The following SLC5A2 variants were observed in gnomAD, a reference collection of about 807,000 sequenced individuals.
SLC5A2 encodes the protein sodium/glucose cotransporter 2.
A neutral mutation model predicts 69.0 loss-of-function variants in SLC5A2; 67 were observed. The observed-to-expected ratio is 0.97, with a 90% confidence interval of 0.80 to 1.19. The LOEUF (loss-of-function observed/expected upper bound fraction) is 1.19. SLC5A2 is among the 50% of genes most tolerant of loss of function. The pLI, the probability that SLC5A2 is intolerant of heterozygous loss-of-function variation, is 0.00. For missense variants in SLC5A2, 1,001 were observed against 921.5 expected (o/e 1.09, Z -1.12); for synonymous variants, 455 against 395.8 (o/e 1.15, Z -1.78).
intron 12 of SLC5A2, chr16:31,489,643 C>T (rs2082542148): frequency 5.6e-6 from 3 of 532,944 alleles, no homozygotes; most frequent in Admixed American, 6.3e-5. Flanking sequence ...TGAACGCCCA[C>T]AAAAAGGTTT....
At position 31,487,786 on chromosome 16, in the gene SLC5A2, T is replaced by C. The variant is rs377676177; in HGVS notation, c.885+27T>C. The stretch of plus-strand genomic sequence containing the variant: ...TGCGGGTATAGGGCTGCGCCTGCAG[T>C]GAGGCCGGGGCGGAGCCGAGACGGG... On this transcript the variant is annotated intron_variant, in intron 7 of 13. Transcript: ENST00000330498. 55 of 1,584,240 alleles carry C rather than the reference T, an allele frequency of 3.5e-5. No individual in the cohort carries two copies. In the East Asian group the frequency reaches 6.2e-4, roughly 18 times the overall value.
intron 8 of SLC5A2, 69 bp from the exon 9 acceptor site, chr16:31,488,314 C>T (rs2082517461): frequency 6.2e-7 from 1 of 1,600,290 alleles, no homozygotes; most frequent in Non-Finnish European, 8.5e-7. Flanking sequence ...GCTAGGATTC[C>T]CAGTCCCCAC....
At position 31,487,587 on chromosome 16, in the gene SLC5A2, CT is replaced by C. The variant is rs1567389303; in HGVS notation, c.715del (p.Ser239ArgfsTer2). ...GLFDKYLGAA[T>X]SLTVSEDPAV... ...TTCGACAAATACCTGGGAGCAGCGA[CT>C]TCGCTGACGGTGTCCGAGGATCCAG... On this transcript the variant is annotated frameshift_variant, in exon 7 of 14. Coordinates refer to ENST00000330498, the MANE Select transcript of SLC5A2 (RefSeq NM_003041.4). LOFTEE classifies it high-confidence loss of function. 6.2e-7 allele frequency: 1 copy of C among 1,613,954 alleles called. No homozygotes were observed. The highest frequency in any genetic ancestry group is 8.5e-7 in the Non-Finnish European group (1 of 1,179,992).
At position 31,488,444 on chromosome 16, in the gene SLC5A2, C is replaced by T; in HGVS notation, c.1083C>T (p.Cys361=). 2 of 1,611,528 alleles carry T rather than the reference C, an allele frequency of 1.2e-6. No individual in the cohort carries two copies. The highest frequency in any genetic ancestry group is 1.7e-6 in the Non-Finnish European group (2 of 1,179,646). ...GCGTGTGCGGCACGGAGGTGGGCTGCTCCAACATCGCCTACCCGCGGCTCG... is the reference window on the plus strand; with the variant it reads ...GCGTGTGCGGCACGGAGGTGGGCTGTTCCAACATCGCCTACCCGCGGCTCG... ...CRRVCGTEVG[C]SNIAYPRLVV... Residue 361 remains cysteine, a synonymous_variant, in exon 9 of 14, where the codon TGC becomes TGT. Coordinates refer to ENST00000330498, the MANE Select transcript of SLC5A2 (RefSeq NM_003041.4).
chr16:31,488,602 C>G lies in SLC5A2; in HGVS notation c.1130-20C>G, dbSNP rs749500766. The G allele has an allele frequency of 1.2e-6, 2 of 1,608,892 alleles. No homozygotes were observed. Among genetic ancestry groups the G allele is most frequent in the South Asian group, 1.1e-5 (1 of 90,880 alleles). ...TGGACCCCCAGTGGCCCCAGCCTCA[C>G]GGCTGCCGTCGGCCCGCAGGTCTGC... On this transcript the variant is annotated intron_variant, in intron 9 of 13. Coordinates refer to ENST00000330498, the MANE Select transcript of SLC5A2 (RefSeq NM_003041.4).
chr16:31,490,396 C>T lies in SLC5A2; in HGVS notation c.1880C>T (p.Pro627Leu), dbSNP rs751517591. Residue 627 changes from proline to leucine, a missense_variant, in exon 14 of 14, where the codon CCC becomes CTC. Coordinates refer to ENST00000330498, the MANE Select transcript of SLC5A2 (RefSeq NM_003041.4). Reference protein sequence around the residue: ...MSRGGVGSPPPLTQEEAAAAA... With the variant: ...MSRGGVGSPPLLTQEEAAAAA... ...AGAGGTGGGGTGGGCAGTCCTCCGCCCCTTACCCAGGAGGAGGCAGCGGCA... is the reference window on the plus strand; with the variant it reads ...AGAGGTGGGGTGGGCAGTCCTCCGCTCCTTACCCAGGAGGAGGCAGCGGCA... 6.2e-7 allele frequency: 1 copy of T among 1,613,592 alleles called. No individual in the cohort carries two copies. The highest frequency in any genetic ancestry group is 8.5e-7 in the Non-Finnish European group (1 of 1,179,874).
In SLC5A2 at chr16:31,488,777, G is replaced by T. The variant is rs1342812311; in HGVS notation, c.1280+5G>T. On this transcript the variant is annotated splice_donor_5th_base_variant and intron_variant, in intron 10 of 13. Transcript: ENST00000330498. The stretch of plus-strand genomic sequence containing the variant: ...CGAGCTGCTGCTGGTGGGACGGTGC[G>T]GCCTGGGCTCCCCTCCTCCCCAACG... 6.2e-7 allele frequency: 1 copy of T among 1,600,652 alleles called. No individual in the cohort carries two copies.
intron 7 of SLC5A2, 61 bp from the exon 8 acceptor site, chr16:31,487,977 G>T: frequency 6.2e-7 from 1 of 1,601,398 alleles, no homozygotes; most frequent in Non-Finnish European, 8.5e-7. Context: ...AGAGCGGAAC[G>T]GGGCGCGGGG....
At chr16:31,484,230 A>G (rs1349359070) in intron 1 of SLC5A2, among the ~76,000 whole-genome samples, 1 of 140,116 alleles carries the variant, frequency 7.1e-6, no homozygotes, top group African/African-American at 2.7e-5. Flanking sequence ...ACTAAAATAC[A>G]CACACACACA....
At chr16:31,486,128 C>T (rs1255856915) in intron 4 of SLC5A2, 42 bp from the exon 5 acceptor site, 3 of 1,480,500 alleles carry the variant, frequency 2.0e-6, no homozygotes, top group African/African-American at 2.8e-5. Context: ...GGGCTGGGGA[C>T]ACTGCCCTGG....
rs758561180 is a variant in SLC5A2 at position 31,488,151 on chromosome 16, G to T, written c.999G>T (p.Met333Ile). The T allele has an allele frequency of 1.2e-6, 2 of 1,614,074 alleles. No homozygotes were observed. Among genetic ancestry groups the T allele is most frequent in the African/African-American group, 1.3e-5 (1 of 75,060 alleles). Residue 333 changes from methionine to isoleucine, a missense_variant, in exon 8 of 14, where the codon ATG (methionine) becomes ATT (isoleucine). Transcript: ENST00000330498. ...TPMFLMVMPG[M>I]ISRILYPDEV... Reference sequence around the variant, plus strand: ...TGTTTCTCATGGTCATGCCAGGCATGATCAGCCGCATTCTGTACCCAGGTA... The same window carrying T: ...TGTTTCTCATGGTCATGCCAGGCATTATCAGCCGCATTCTGTACCCAGGTA...
In SLC5A2 at chr16:31,484,817, AG is replaced by A; in HGVS notation, c.199del. ...TGCTCACTCCCTCCTCTGGCCACCC[AG>A]GTTGGGGCCTCTCTCTTCGCCAGCA... On this transcript the variant is annotated splice_acceptor_variant, in intron 2 of 13. Transcript: ENST00000330498. LOFTEE classifies it high-confidence loss of function. The A allele has an allele frequency of 6.2e-7, 1 of 1,613,100 alleles. No individual in the cohort carries two copies. The highest frequency in any genetic ancestry group is 8.5e-7 in the Non-Finnish European group (1 of 1,180,008).
intron 7 of SLC5A2, 63 bp downstream of exon 7, chr16:31,487,822 G>A (rs2082510928): frequency 6.7e-7 from 1 of 1,503,586 alleles, no homozygotes; most frequent in Non-Finnish European, 9.0e-7. Context: ...CGGAGCCTGA[G>A]TCCCTCCCCG....
At position 31,484,877 on chromosome 16, in the gene SLC5A2, G is replaced by A; in HGVS notation, c.257G>A (p.Gly86Glu). ...AGTGGCCACTTTGTGGGCCTGGCAG[G>A]GACTGGCGCTGCAAGTGGCTTGGCT... ...IGSGHFVGLA[G>E]TGAASGLAVA... The change falls in exon 3 of 14, where the codon GGG becomes GAG. Residue 86 changes from glycine (G) to glutamate (E), a missense_variant. Transcript: ENST00000330498. 1 of 1,614,178 alleles carries A rather than the reference G, an allele frequency of 6.2e-7. No homozygotes were observed. Among genetic ancestry groups the A allele is most frequent in the Non-Finnish European group, 8.5e-7 (1 of 1,180,050 alleles).
chr16:31,489,548 G>A (rs189028330), intron 12 of SLC5A2: 2 of 616,778 alleles, frequency 3.2e-6, no homozygotes, highest in African/African-American at 3.7e-5. Flanking sequence ...TGATGGGTTG[G>A]TGATTAAAGC....
chr16:31,484,713 T>G lies in SLC5A2; in HGVS notation c.167T>G (p.Phe56Cys), dbSNP rs1420609770. 2 of 1,609,686 alleles carry G rather than the reference T, an allele frequency of 1.2e-6. No individual in the cohort carries two copies. The highest frequency in any genetic ancestry group is 4.5e-5 in the East Asian group (2 of 44,888). ...RTNRGTVGGY[F>C]LAGRSMVWWP... ...AACAGAGGCACTGTGGGCGGCTACTTCCTGGCAGGACGCAGCATGGTGTGG... is the reference window on the plus strand; with the variant it reads ...AACAGAGGCACTGTGGGCGGCTACTGCCTGGCAGGACGCAGCATGGTGTGG... Residue 56 changes from phenylalanine to cysteine, a missense_variant, in exon 2 of 14, where the codon TTC becomes TGC. Transcript: ENST00000330498.
intron 5 of SLC5A2, 62 bp downstream of exon 5, chr16:31,486,337 G>C: frequency 7.6e-7 from 1 of 1,320,456 alleles, no homozygotes; most frequent in East Asian, 2.3e-5. Flanking sequence ...TGTGGCCAGG[G>C]TTTAGGGAGC....
chr16:31,483,191 C>T lies in SLC5A2; in HGVS notation c.55C>T (p.Leu19=), dbSNP rs369963214. The change falls in exon 1 of 14, where the codon CTG becomes TTG. Residue 19 remains leucine (L), a synonymous_variant. Coordinates refer to ENST00000330498, the MANE Select transcript of SLC5A2 (RefSeq NM_003041.4). ...SAPEMGAQKA[L]IDNPADILVI... ...ACCAGAGATGGGGGCCCAGAAGGCC[C>T]TGATTGACAATCCTGCTGACATCCT... The T allele has an allele frequency of 1.9e-6, 3 of 1,613,912 alleles. No homozygotes were observed. The highest frequency in any genetic ancestry group is 2.5e-6 in the Non-Finnish European group (3 of 1,180,006).
chr16:31,489,302 G>T lies in SLC5A2; in HGVS notation c.1629G>T (p.Thr543=). The T allele has an allele frequency of 6.2e-7, 1 of 1,610,134 alleles. No individual in the cohort carries two copies. Among genetic ancestry groups the T allele is most frequent in the Non-Finnish European group, 8.5e-7 (1 of 1,179,994 alleles). Residue 543 remains threonine (T), a synonymous_variant, in exon 12 of 14, where the codon ACG becomes ACT. Coordinates refer to ENST00000330498, the MANE Select transcript of SLC5A2 (RefSeq NM_003041.4). ...LFFCSGLLTL[T]VSLCTAPIPR... is the part of the protein sequence containing the mutation. Reference sequence around the variant, plus strand: ...TCTGCTCTGGCCTCCTCACCCTCACGGTCTCCCTGTGCACCGCGCCCATCC... The same window carrying T: ...TCTGCTCTGGCCTCCTCACCCTCACTGTCTCCCTGTGCACCGCGCCCATCC...
Sources: gnomAD v4.1 joint callset for allele counts (sites outside exome capture counted in the v4.1 genomes callset) on GRCh38, gnomAD v4.1.1 for gene constraint, MANE v1.5 for transcripts, NCBI Gene and HGNC (gene_info 2026-07-23, HGNC 2026-07-21) for gene names.